Variants in BTRC observed in about 807,000 individuals in gnomAD.
BTRC encodes the protein F-box/WD repeat-containing protein 1A.
BTRC carries 42 observed loss-of-function variants against 85.5 expected under a neutral mutation model. That is an observed-to-expected ratio of 0.49 (90% CI 0.38 to 0.64). The LOEUF is 0.64. Among genes scored for constraint, BTRC ranks in the 30% least tolerant of loss-of-function variants. BTRC has a pLI of 0.00. For missense variants in BTRC, 594 were observed against 743.5 expected (o/e 0.80, Z 2.34); for synonymous variants, 255 against 263.3 (o/e 0.97, Z 0.30).
intron 2 of BTRC, among the ~76,000 whole-genome samples, chr10:101,447,591 A>G (rs367983310): frequency 9.2e-5 from 14 of 152,312 alleles, no homozygotes; most frequent in African/African-American, 2.6e-4. Context: ...CCAATTATCT[A>G]TTACCAAACT....
intron 1 of BTRC, among the ~76,000 whole-genome samples, chr10:101,425,885 A>G (rs2134066987): frequency 6.6e-6 from 1 of 152,324 alleles, no homozygotes; most frequent in Non-Finnish European, 1.5e-5. Context: ...TTTGCAAGGA[A>G]AAACAACAAA....
intron 13 of BTRC, among the ~76,000 whole-genome samples, chr10:101,549,377 G>A (rs2062609938): frequency 6.6e-6 from 1 of 151,688 alleles, no homozygotes; most frequent in South Asian, 2.1e-4. Flanking sequence ...GTTACAGTGA[G>A]CTATGATCAC....
intron 4 of BTRC, among the ~76,000 whole-genome samples, chr10:101,511,375 A>T (rs1274417609): frequency 2.0e-5 from 3 of 151,410 alleles, no homozygotes; most frequent in Non-Finnish European, 4.4e-5. Context: ...TTTCTTGACC[A>T]CTCCAGTTAA....
chr10:101,521,938 A>G (rs930465979), intron 5 of BTRC, 68 bp downstream of exon 5: 11 of 1,224,354 alleles, frequency 9.0e-6, no homozygotes, highest in Admixed American at 6.7e-5. Context: ...CTCCAGCTAT[A>G]TATCTCTCTT....
intron 4 of BTRC, among the ~76,000 whole-genome samples, chr10:101,505,645 AAT>A (rs1252782377): frequency 3.2e-4 from 47 of 147,724 alleles, no homozygotes; most frequent in Non-Finnish European, 4.1e-4. Context: ...AAAAAATAAT[AAT>A]AAAAAAACAA....
At chr10:101,535,102 A>AT (rs1564833193) in intron 10 of BTRC, among the ~76,000 whole-genome samples, 192 bp downstream of exon 10, 2 of 152,224 alleles carry the variant, frequency 1.3e-5, no homozygotes, top group African/African-American at 4.8e-5. Context: ...TTTTATTCCT[A>AT]TAAATAGTGG....
intron 1 of BTRC, among the ~76,000 whole-genome samples, chr10:101,412,530 G>C (rs1035399384): frequency 6.6e-6 from 1 of 152,148 alleles, no homozygotes; most frequent in African/African-American, 2.4e-5. Flanking sequence ...CCTTATGGTA[G>C]AATCTAAAGT....
chr10:101,402,083 G>A (rs1260345989), intron 1 of BTRC, among the ~76,000 whole-genome samples: 1 of 152,068 alleles, frequency 6.6e-6, no homozygotes, highest in Non-Finnish European at 1.5e-5. Flanking sequence ...TTTGCTTTGG[G>A]TCATTCTAGT....
chr10:101,357,784 CGT>C (rs1942084899), intron 1 of BTRC, among the ~76,000 whole-genome samples: 1 of 152,160 alleles, frequency 6.6e-6, no homozygotes, highest in African/African-American at 2.4e-5. Flanking sequence ...ATAATTCACA[CGT>C]GATCGAGACT....
intron 4 of BTRC, among the ~76,000 whole-genome samples, chr10:101,494,672 G>GAAAA (rs1470418569): frequency 1.3e-5 from 2 of 151,986 alleles, no homozygotes; most frequent in East Asian, 3.9e-4. Flanking sequence ...CAAGAATATG[G>GAAAA]AAAAGCCATG....
At chr10:101,439,481 T>A (rs180823158) in intron 2 of BTRC, among the ~76,000 whole-genome samples, 1 of 152,206 alleles carries the variant, frequency 6.6e-6, no homozygotes, top group Non-Finnish European at 1.5e-5. Context: ...AAGAAAAGAT[T>A]TAAAGTTGCA....
intron 5 of BTRC, among the ~76,000 whole-genome samples, chr10:101,522,392 T>A (rs1429646372): frequency 9.1e-5 from 7 of 77,024 alleles, no homozygotes; most frequent in Non-Finnish European, 1.9e-4. Flanking sequence ...AAAAAAAAAC[T>A]CTAGAAATAA....
intron 2 of BTRC, among the ~76,000 whole-genome samples, chr10:101,459,047 G>T (rs1294359594): frequency 6.6e-6 from 1 of 152,152 alleles, no homozygotes; most frequent in Non-Finnish European, 1.5e-5. Context: ...CAGTCCCTCT[G>T]CCTCCACCTC....
chr10:101,414,522 G>T, intron 1 of BTRC: 1 of 366,460 alleles, frequency 2.7e-6, no homozygotes, highest in Admixed American at 3.6e-5. Flanking sequence ...TGTTATTTTA[G>T]AGTGGGCTAC....
chr10:101,426,556 A>AAGG (rs1944256894), intron 1 of BTRC, among the ~76,000 whole-genome samples: 2 of 152,176 alleles, frequency 1.3e-5, no homozygotes, highest in South Asian at 4.1e-4. Flanking sequence ...CTTTGTTGTT[A>AAGG]GTAGTTTTGA....
intron 1 of BTRC, among the ~76,000 whole-genome samples, chr10:101,366,429 G>A (rs1378504499): frequency 1.3e-5 from 2 of 152,004 alleles, no homozygotes; most frequent in Non-Finnish European, 2.9e-5. Context: ...ACTTTGTTAA[G>A]TGCTAAAATA....
At chr10:101,355,964 C>T (rs535728969) in intron 1 of BTRC, among the ~76,000 whole-genome samples, 1 of 152,212 alleles carries the variant, frequency 6.6e-6, no homozygotes, top group Non-Finnish European at 1.5e-5. Context: ...AGTTACTACA[C>T]TTAAGTTAGA....
chr10:101,424,608 A>G (rs768521078), intron 1 of BTRC, among the ~76,000 whole-genome samples: 4 of 152,202 alleles, frequency 2.6e-5, no homozygotes, highest in African/African-American at 4.8e-5. Context: ...TTCGTATAGT[A>G]AATGCTGAGG....
chr10:101,488,503 T>C (rs895702569), intron 4 of BTRC, among the ~76,000 whole-genome samples: 1 of 152,164 alleles, frequency 6.6e-6, no homozygotes, highest in Admixed American at 6.5e-5. Flanking sequence ...ATTGTAACCT[T>C]GTTAATCAAA....
Sources: allele counts gnomAD v4.1 joint callset (sites outside exome capture counted in the v4.1 genomes callset), GRCh38; gene constraint gnomAD v4.1.1; transcripts MANE v1.5; gene names NCBI Gene and HGNC (gene_info 2026-07-23, HGNC 2026-07-21).